The following CMKLR2 variants were observed in gnomAD, a reference collection of about 807,000 sequenced individuals.
The protein encoded by CMKLR2 is chemerin-like receptor 2.
In CMKLR2, 18 loss-of-function variants were observed where a neutral mutation model predicts 23.0. The observed-to-expected ratio is 0.78, with a 90% CI of 0.54 to 1.16. The LOEUF (loss-of-function observed/expected upper bound fraction) is 1.16, where lower values mean the gene tolerates loss of function less well. Among genes scored for constraint, CMKLR2 ranks in the 50% most tolerant of loss-of-function variants. CMKLR2 has a pLI of 0.00. For synonymous variants in CMKLR2, 158 were observed against 158.9 expected (o/e 0.99, Z 0.05); for missense variants, 401 against 412.7 (o/e 0.97, Z 0.25).
intron 1 of CMKLR2, among the ~76,000 whole-genome samples, chr2:206,179,564 C>T (rs746303781): frequency 6.9e-6 from 1 of 144,678 alleles, no homozygotes; most frequent in Non-Finnish European, 1.5e-5. Context: ...CTCTTGACCT[C>T]GTGATCCACC....
At chr2:206,178,449 T>A (rs998191613) in intron 1 of CMKLR2, among the ~76,000 whole-genome samples, 3 of 152,214 alleles carry the variant, frequency 2.0e-5, no homozygotes. Flanking sequence ...TAATCAGAAT[T>A]ATATCAATAT....
chr2:206,199,281 ATCCCAGCT>A (rs1327216616), intron 1 of CMKLR2, among the ~76,000 whole-genome samples: 8 of 152,092 alleles, frequency 5.3e-5, no homozygotes, highest in Non-Finnish European at 1.2e-4. Context: ...GCCTACTATA[ATCCCAGCT>A]ACTCGGAGGC....
chr2:206,206,651 T>G (rs1287021249), intron 1 of CMKLR2, among the ~76,000 whole-genome samples: 1 of 152,212 alleles, frequency 6.6e-6, no homozygotes, highest in Non-Finnish European at 1.5e-5. Flanking sequence ...TGGAGGCTTA[T>G]TTCAAGAATG....
At chr2:206,188,692 G>T (rs16838023) in intron 1 of CMKLR2, among the ~76,000 whole-genome samples, 35,084 of 152,088 alleles carry the variant, frequency 0.23, 4,328 homozygotes, top group East Asian at 0.44. Context: ...TCAGCTGCTT[G>T]GAGGACCCAC....
intron 1 of CMKLR2, among the ~76,000 whole-genome samples, chr2:206,211,315 A>C (rs1689551527): frequency 6.6e-6 from 1 of 152,072 alleles, no homozygotes; most frequent in African/African-American, 2.4e-5. Context: ...CAATTCATTC[A>C]GTTATTTTTT....
chr2:206,177,040 T>A lies in CMKLR2; in HGVS notation c.208A>T (p.Thr70Ser), dbSNP rs1349876354. The A allele has an allele frequency of 1.2e-6, 2 of 1,614,142 alleles. No individual in the cohort carries two copies. The highest frequency in any genetic ancestry group is 8.5e-7 in the Non-Finnish European group (1 of 1,180,002). The part of the protein sequence containing the change: ...IWFTGFKWKK[T>S]VTTLWFLNLA... ...TTGAGGAACCACAGAGTGGTGACTG[T>A]CTTCTTCCACTTGAACCCCGTGAAC... Residue 70 changes from threonine (T) to serine (S), a missense_variant, in exon 2 of 2, where the codon ACA (threonine) becomes TCA (serine). Coordinates refer to ENST00000621141, the MANE Select transcript of CMKLR2 (RefSeq NM_001389445.1).
upstream of CMKLR2, among the ~76,000 whole-genome samples, chr2:206,214,394 G>A (rs974244415): frequency 6.6e-6 from 1 of 151,716 alleles, no homozygotes; most frequent in Non-Finnish European, 1.5e-5. Context: ...GGCTGGTCTC[G>A]AATTTCTGAC....
Position 206,176,044 on chromosome 2 carries a change from A to G in CMKLR2, c.*136T>C, listed in dbSNP as rs1688194416. The stretch of plus-strand genomic sequence containing the variant: ...AGTTTCATATCCACACAAAAATGTG[A>G]TGCCTATATAGTGACCAGAAACAAT... On this transcript the variant is annotated 3_prime_UTR_variant, in exon 2 of 2. Coordinates refer to ENST00000621141, the MANE Select transcript of CMKLR2 (RefSeq NM_001389445.1). 1.5e-5 allele frequency: 8 copies of G among 538,504 alleles called. No individual in the cohort carries two copies. In the East Asian group the frequency reaches 2.4e-4, roughly 16 times the overall value. 33.4% of individuals were successfully genotyped at this position (538,504 alleles called of 1,614,324 possible).
intron 1 of CMKLR2, among the ~76,000 whole-genome samples, 162 bp downstream of exon 1, chr2:206,213,145 A>G (rs1012558178): frequency 1.3e-5 from 2 of 152,242 alleles, no homozygotes; most frequent in Non-Finnish European, 2.9e-5. Context: ...AAAAATATGA[A>G]TCTGCAGACA....
chr2:206,183,308 A>C (rs1688473887), intron 1 of CMKLR2, among the ~76,000 whole-genome samples: 1 of 152,094 alleles, frequency 6.6e-6, no homozygotes, highest in South Asian at 2.1e-4. Flanking sequence ...GCTTCTAACC[A>C]CTATCCTCAC....
At chr2:206,204,542 C>T (rs1689240228) in intron 1 of CMKLR2, among the ~76,000 whole-genome samples, 1 of 151,556 alleles carries the variant, frequency 6.6e-6, no homozygotes, top group South Asian at 2.1e-4. Flanking sequence ...TACTGTTTTC[C>T]GTTTTTGTTT....
At chr2:206,214,165 A>ATTTTTTTTTTTTTTTTTT (rs34307347), upstream of CMKLR2, among the ~76,000 whole-genome samples, 17 of 64,936 alleles carry the variant, frequency 2.6e-4, 2 homozygotes, top group Admixed American at 9.6e-4. Context: ...TAAAGACTTG[A>ATTTTTTTTTTTTTTTTTT]TTTTTTTTTT....
intron 1 of CMKLR2, among the ~76,000 whole-genome samples, chr2:206,192,108 G>A (rs547419023): frequency 1.1e-4 from 17 of 151,266 alleles, no homozygotes; most frequent in African/African-American, 4.1e-4. Context: ...CTCCCAAAGT[G>A]CTGGGATTAC....
chr2:206,210,777 A>G (rs959192136), intron 1 of CMKLR2, among the ~76,000 whole-genome samples: 1 of 152,174 alleles, frequency 6.6e-6, no homozygotes, highest in African/African-American at 2.4e-5. Context: ...TAGCATTTTT[A>G]TATGGCACAA....
chr2:206,211,373 A>G (rs1482714929), intron 1 of CMKLR2, among the ~76,000 whole-genome samples: 2 of 152,086 alleles, frequency 1.3e-5, no homozygotes, highest in Non-Finnish European at 2.9e-5. Context: ...CTCCCAGGCT[A>G]GAGTGCAGTG....
Position 206,179,055 on chromosome 2 carries a change from C to CTTT in CMKLR2, c.-28-1783_-28-1781dup, listed in dbSNP as rs71034421. Among the ~76,000 whole-genome samples the CTTT allele has an allele frequency of 1.0e-4, 5 of 49,354 alleles. 2 individuals carry two copies. Among genetic ancestry groups the CTTT allele is most frequent in the Non-Finnish European group, 1.1e-4 (3 of 27,016 alleles). 32.4% of individuals were successfully genotyped at this position (49,354 alleles called of 152,430 possible). A position where few individuals can be genotyped will look rare whatever the true frequency, so the allele number is the denominator to read the frequency against. Reference sequence around the variant, plus strand: ...TTTATTTTGTGCCCGCTCCCTGTCCCTTTTTTTTTTTTTTTTTTTTTTTTT... The same window carrying CTTT: ...TTTATTTTGTGCCCGCTCCCTGTCCCTTTTTTTTTTTTTTTTTTTTTTTTTTTT... On this transcript the variant is annotated intron_variant, in intron 1 of 1. Coordinates refer to ENST00000621141, the MANE Select transcript of CMKLR2 (RefSeq NM_001389445.1).
intron 1 of CMKLR2, among the ~76,000 whole-genome samples, chr2:206,210,615 C>CA (rs1341648411): frequency 6.6e-6 from 1 of 152,032 alleles, no homozygotes; most frequent in Non-Finnish European, 1.5e-5. Flanking sequence ...TGTGCCACCA[C>CA]ACTGGGCTAA....
chr2:206,191,024 A>T (rs962307041), intron 1 of CMKLR2, among the ~76,000 whole-genome samples: 2 of 152,212 alleles, frequency 1.3e-5, no homozygotes, highest in African/African-American at 4.8e-5. Context: ...AGAAACTTTT[A>T]GGCTTAATTC....
In CMKLR2 at chr2:206,204,128, G is replaced by A. The variant is rs185420724; in HGVS notation, c.-29+9179C>T. ...AGCACTTTGGGAGTCCGAGGCGGGCGGATCACGAGGTCAGGAGATCGAGAC... is the reference window on the plus strand; with the variant it reads ...AGCACTTTGGGAGTCCGAGGCGGGCAGATCACGAGGTCAGGAGATCGAGAC... On this transcript the variant is annotated intron_variant, in intron 1 of 1. Transcript: ENST00000621141. Among the ~76,000 whole-genome samples the A allele has an allele frequency of 3.1e-3, 465 of 152,164 alleles. 1 individual carries two copies. Among genetic ancestry groups the A allele is most frequent in the South Asian group, 0.027 (128 of 4,818 alleles).
Sources: allele counts gnomAD v4.1 joint callset (sites outside exome capture counted in the v4.1 genomes callset), GRCh38; gene constraint gnomAD v4.1.1; transcripts MANE v1.5; gene names NCBI Gene and HGNC (gene_info 2026-07-23, HGNC 2026-07-21).